Variants in SMYD1 observed in about 807,000 individuals in gnomAD.
The protein encoded by SMYD1 is SET and MYND domain containing 1.
In SMYD1, 49 loss-of-function variants were observed where a neutral mutation model predicts 54.0. The ratio of observed to expected loss-of-function variants is 0.91; its 90% CI spans 0.72 to 1.15. The LOEUF is 1.15. Among genes scored for constraint, SMYD1 ranks in the 50% most tolerant of loss-of-function variants. The pLI, the probability that SMYD1 is intolerant of heterozygous loss-of-function variation, is 0.00. For missense variants in SMYD1, 653 were observed against 639.6 expected (o/e 1.02, Z -0.23); for synonymous variants, 269 against 234.2 (o/e 1.15, Z -1.36).
At chr2:88,071,962 T>C (rs1280730139) in intron 1 of SMYD1, among the ~76,000 whole-genome samples, 1 of 151,042 alleles carries the variant, frequency 6.6e-6, no homozygotes, top group Admixed American at 6.6e-5. Flanking sequence ...GTTGTTGTTG[T>C]TAAGGAAGAA....
chr2:88,093,478 G>T, intron 4 of SMYD1, 39 bp from the exon 5 acceptor site: 1 of 1,613,480 alleles, frequency 6.2e-7, no homozygotes, highest in African/African-American at 1.3e-5. Flanking sequence ...ATCAGCCAAT[G>T]ATAATGATTT....
chr2:88,085,457 G>GACTGGGAGCATTTTC (rs1275060141), intron 2 of SMYD1, among the ~76,000 whole-genome samples: 3 of 152,226 alleles, frequency 2.0e-5, no homozygotes, highest in Admixed American at 6.5e-5. Context: ...TGGAGATGGT[G>GACTGGGAGCATTTTC]ACTGGGAGCA....
chr2:88,106,527 G>A, intron 8 of SMYD1, 39 bp downstream of exon 8: 1 of 1,593,906 alleles, frequency 6.3e-7, no homozygotes, highest in Non-Finnish European at 8.6e-7. Flanking sequence ...TCTCCTGGAA[G>A]TGTGTGTATT....
intron 1 of SMYD1, among the ~76,000 whole-genome samples, chr2:88,071,760 A>G (rs1673950414): frequency 6.6e-6 from 1 of 152,100 alleles, no homozygotes; most frequent in Admixed American, 6.6e-5. Context: ...ACAGTATTTT[A>G]TGGTAGTTGA....
intron 4 of SMYD1, among the ~76,000 whole-genome samples, chr2:88,091,947 C>T (rs986033925): frequency 1.3e-5 from 2 of 152,144 alleles, no homozygotes; most frequent in African/African-American, 2.4e-5. Context: ...CAGGGACTAG[C>T]AACACATGAA....
chr2:88,091,078 C>T lies in SMYD1; in HGVS notation c.595C>T (p.Pro199Ser), dbSNP rs1674451210. 1 of 1,614,032 alleles carries T rather than the reference C, an allele frequency of 6.2e-7. No individual in the cohort carries two copies. Among genetic ancestry groups the T allele is most frequent in the Admixed American group, 1.7e-5 (1 of 60,004 alleles). ...GLQAVGVGIFPNLGLVNHDCW... is the reference protein window; with the variant it reads ...GLQAVGVGIFSNLGLVNHDCW... Reference sequence around the variant, plus strand: ...GCAGGCCGTGGGCGTAGGCATCTTCCCCAACCTGGGCCTGGTGAACCATGA... The same window carrying T: ...GCAGGCCGTGGGCGTAGGCATCTTCTCCAACCTGGGCCTGGTGAACCATGA... Residue 199 changes from proline (P) to serine (S), a missense_variant, in exon 4 of 10, where the codon CCC becomes TCC. Pro to Ser is a moderately conservative substitution (Grantham distance 74). Transcript: ENST00000419482.
chr2:88,106,598 G>T, intron 8 of SMYD1, 110 bp downstream of exon 8: 1 of 1,141,110 alleles, frequency 8.8e-7, no homozygotes, highest in South Asian at 1.5e-5. Context: ...CCCACAGCAG[G>T]CGTCAGTAAT....
rs867567205 is a variant in SMYD1 at position 88,105,901 on chromosome 2, G to A, written c.982-424G>A. ...TGCAGTGAGCTGAGACTGAGCCACT[G>A]CACTTCAGCCTGGGCAATGGAGTGA... On this transcript the variant is annotated intron_variant, in intron 7 of 9. Transcript: ENST00000419482. Among the ~76,000 whole-genome samples, 56 of 152,206 alleles carry A rather than the reference G, an allele frequency of 3.7e-4. 2 individuals carry two copies. The highest frequency in any genetic ancestry group is 1.3e-4 in the Admixed American group (2 of 15,298).
At chr2:88,072,267 C>T (rs896649717) in intron 1 of SMYD1, among the ~76,000 whole-genome samples, 1 of 152,158 alleles carries the variant, frequency 6.6e-6, no homozygotes, top group Admixed American at 6.5e-5. Flanking sequence ...TCTCCTGCCT[C>T]AGCCTCCCGA....
intron 5 of SMYD1, 33 bp downstream of exon 5, chr2:88,093,588 C>G (rs764744962): frequency 6.2e-7 from 1 of 1,613,710 alleles, no homozygotes; most frequent in South Asian, 1.1e-5. Flanking sequence ...CCCTGCTCCT[C>G]TGACCCATCT....
intron 2 of SMYD1, among the ~76,000 whole-genome samples, chr2:88,086,526 T>G (rs1225005048): frequency 6.6e-6 from 1 of 152,176 alleles, no homozygotes; most frequent in Non-Finnish European, 1.5e-5. Flanking sequence ...TCTCCTCCTG[T>G]CCCACCTGGC....
At chr2:88,104,287 T>C (rs1197672406) in intron 7 of SMYD1, among the ~76,000 whole-genome samples, 4 of 152,184 alleles carry the variant, frequency 2.6e-5, no homozygotes, top group African/African-American at 7.2e-5. Flanking sequence ...TCTATTTCCC[T>C]TCTCCTCTTC....
Position 88,111,071 on chromosome 2 carries a change from G to T in SMYD1, c.*559G>T. Reference sequence around the variant, plus strand: ...CTGAGCAGGATATGTGATACTGTGTGGTTGGTGTGGAGTTTTGAAGAAGGG... The same window carrying T: ...CTGAGCAGGATATGTGATACTGTGTTGTTGGTGTGGAGTTTTGAAGAAGGG... On this transcript the variant is annotated 3_prime_UTR_variant, in exon 10 of 10. Transcript: ENST00000419482. The T allele has an allele frequency of 6.6e-6, 1 of 152,630 alleles. No homozygotes were observed. The highest frequency in any genetic ancestry group is 2.4e-5 in the African/African-American group (1 of 41,460). The allele number at this position is 152,630 out of a possible 1,614,324, so 9.5% of individuals were successfully genotyped here. A position where few individuals can be genotyped will look rare whatever the true frequency, so the allele number is the denominator to read the frequency against.
At chr2:88,093,648 C>T in intron 5 of SMYD1, 93 bp downstream of exon 5, 1 of 1,385,664 alleles carries the variant, frequency 7.2e-7, no homozygotes, top group Non-Finnish European at 1.0e-6. Context: ...GACTTCTTGG[C>T]TGCCATCTGT....
Position 88,111,589 on chromosome 2 carries a change from C to G in SMYD1, c.*1077C>G, listed in dbSNP as rs1268549196. 2 of 155,148 alleles carry G rather than the reference C, an allele frequency of 1.3e-5. No homozygotes were observed. Among genetic ancestry groups the G allele is most frequent in the Non-Finnish European group, 2.9e-5 (2 of 69,764 alleles). 9.6% of individuals were successfully genotyped at this position (155,148 alleles called of 1,614,324 possible). A position where few individuals can be genotyped will look rare whatever the true frequency, so the allele number is the denominator to read the frequency against. On this transcript the variant is annotated 3_prime_UTR_variant, in exon 10 of 10. Transcript: ENST00000419482. ...GTTGAGTTTCTTTTTCTGTCATGCC[C>G]TGGGGGCTTCTGCTCTTCTCACCAG...
At chr2:88,069,197 T>A (rs1673896071) in intron 1 of SMYD1, among the ~76,000 whole-genome samples, 1 of 152,234 alleles carries the variant, frequency 6.6e-6, no homozygotes, top group Non-Finnish European at 1.5e-5. Flanking sequence ...GACATCTATG[T>A]GGTTTGAGTC....
At chr2:88,090,908 C>T (rs913544709) in intron 3 of SMYD1, 104 bp from the exon 4 acceptor site, 8 of 1,333,704 alleles carry the variant, frequency 6.0e-6, no homozygotes, top group Non-Finnish European at 7.2e-6. Flanking sequence ...TAAGCATCTC[C>T]AGGGTGAGAC....
chr2:88,072,685 A>C (rs187566822), intron 1 of SMYD1, among the ~76,000 whole-genome samples: 29 of 152,330 alleles, frequency 1.9e-4, no homozygotes, highest in African/African-American at 5.8e-4. Flanking sequence ...ATTTCTTAGT[A>C]GTGAATAAAA....
intron 2 of SMYD1, among the ~76,000 whole-genome samples, chr2:88,085,565 AC>A (rs1198779117): frequency 6.6e-6 from 1 of 152,156 alleles, no homozygotes; most frequent in Non-Finnish European, 1.5e-5. Context: ...GGCTCAGTCA[AC>A]CTCTCCATGC....
Sources: gnomAD v4.1 joint callset for allele counts (sites outside exome capture counted in the v4.1 genomes callset) on GRCh38, gnomAD v4.1.1 for gene constraint, MANE v1.5 for transcripts, NCBI Gene and HGNC (gene_info 2026-07-23, HGNC 2026-07-21) for gene names.